The following SHISA6 variants were observed in gnomAD, a reference collection of about 807,000 sequenced individuals.
The protein encoded by SHISA6 is protein shisa-6.
A neutral mutation model predicts 47.9 loss-of-function variants in SHISA6; 22 were observed. The observed-to-expected ratio is 0.46, with a 90% CI of 0.33 to 0.66. The LOEUF (loss-of-function observed/expected upper bound fraction) is 0.66, where lower values mean the gene tolerates loss of function less well. Among genes scored for constraint, SHISA6 ranks in the 30% least tolerant of loss-of-function variants. SHISA6 has a pLI of 0.02. For synonymous variants in SHISA6, 388 were observed against 337.8 expected (o/e 1.15, Z -1.63); for missense variants, 680 against 764.6 (o/e 0.89, Z 1.30).
intron 2 of SHISA6, among the ~76,000 whole-genome samples, chr17:11,374,201 G>A (rs1282361129): frequency 2.6e-5 from 4 of 152,000 alleles, no homozygotes; most frequent in Non-Finnish European, 4.4e-5. Context: ...CCTTTGAGTC[G>A]CCTATGCATT....
intron 3 of SHISA6, among the ~76,000 whole-genome samples, chr17:11,543,927 CAAAA>C (rs1216952313): frequency 9.1e-6 from 1 of 109,900 alleles, no homozygotes; most frequent in Non-Finnish European, 1.9e-5. Context: ...AAAAAAAAAA[CAAAA>C]AAAAGAACTT....
At chr17:11,301,495 C>T (rs979160981) in intron 2 of SHISA6, among the ~76,000 whole-genome samples, 2 of 152,164 alleles carry the variant, frequency 1.3e-5, no homozygotes, top group Non-Finnish European at 2.9e-5. Flanking sequence ...CACTCCTTTG[C>T]AAAGGTGCTG....
At chr17:11,332,549 C>T (rs373506403) in intron 2 of SHISA6, among the ~76,000 whole-genome samples, 2 of 152,096 alleles carry the variant, frequency 1.3e-5, no homozygotes, top group Admixed American at 6.6e-5. Context: ...TCCCATGATA[C>T]GGGAAGGACG....
At chr17:11,340,016 G>A (rs1381242817) in intron 2 of SHISA6, among the ~76,000 whole-genome samples, 2 of 152,182 alleles carry the variant, frequency 1.3e-5, no homozygotes, top group Non-Finnish European at 2.9e-5. Flanking sequence ...AATTACCATT[G>A]TGATTTTGCC....
chr17:11,331,828 C>G (rs1911127599), intron 2 of SHISA6, among the ~76,000 whole-genome samples: 1 of 152,040 alleles, frequency 6.6e-6, no homozygotes, highest in Non-Finnish European at 1.5e-5. Flanking sequence ...ATACACAAAC[C>G]TCTAGTCTTG....
intron 3 of SHISA6, among the ~76,000 whole-genome samples, chr17:11,431,733 C>T (rs889548085): frequency 6.6e-6 from 1 of 152,196 alleles, no homozygotes; most frequent in Non-Finnish European, 1.5e-5. Flanking sequence ...ATTCAGTCTA[C>T]AAACACACCC....
At chr17:11,433,286 T>C (rs1035410372) in intron 3 of SHISA6, among the ~76,000 whole-genome samples, 1 of 152,110 alleles carries the variant, frequency 6.6e-6, no homozygotes, top group Admixed American at 6.5e-5. Context: ...CCTGTGTCCA[T>C]GTGTTCTCAT....
At chr17:11,442,226 T>G (rs565579615) in intron 3 of SHISA6, among the ~76,000 whole-genome samples, 21 of 152,278 alleles carry the variant, frequency 1.4e-4, no homozygotes, top group African/African-American at 3.6e-4. Context: ...GTCTCAGACT[T>G]ATGGGCACAT....
chr17:11,493,573 G>A (rs757295903), intron 3 of SHISA6, among the ~76,000 whole-genome samples: 3 of 38,122 alleles, frequency 7.9e-5, no homozygotes, highest in South Asian at 9.0e-4. Flanking sequence ...GGATACACGC[G>A]TGCGCGCGCA....
chr17:11,546,912 G>A (rs1201750018), intron 3 of SHISA6, among the ~76,000 whole-genome samples: 3 of 151,478 alleles, frequency 2.0e-5, no homozygotes, highest in Non-Finnish European at 2.9e-5. Context: ...CTGGGCAATA[G>A]AGCAAGACTC....
intron 3 of SHISA6, among the ~76,000 whole-genome samples, chr17:11,463,568 T>C (rs1597530267): frequency 6.6e-6 from 1 of 152,194 alleles, no homozygotes; most frequent in South Asian, 2.1e-4. Flanking sequence ...TTATTACATA[T>C]CTGTAGGTCT....
At chr17:11,442,271 T>A (rs1418235810) in intron 3 of SHISA6, among the ~76,000 whole-genome samples, 1 of 152,168 alleles carries the variant, frequency 6.6e-6, no homozygotes, top group Non-Finnish European at 1.5e-5. Context: ...CAGCAACAAA[T>A]CACCCTGCCT....
chr17:11,495,613 G>A (rs1277648342), intron 3 of SHISA6, among the ~76,000 whole-genome samples: 1 of 152,212 alleles, frequency 6.6e-6, no homozygotes, highest in Non-Finnish European at 1.5e-5. Context: ...CTGCCTACCA[G>A]TCCATCCCCT....
At chr17:11,364,422 A>AT (rs981890639) in intron 2 of SHISA6, among the ~76,000 whole-genome samples, 2 of 152,232 alleles carry the variant, frequency 1.3e-5, no homozygotes, top group East Asian at 3.9e-4. Flanking sequence ...TGTGACATGC[A>AT]TTTTTTTGTG....
chr17:11,416,511 T>A (rs1914286671), intron 3 of SHISA6, among the ~76,000 whole-genome samples: 1 of 152,212 alleles, frequency 6.6e-6, no homozygotes, highest in South Asian at 2.1e-4. Flanking sequence ...AATCCACTTA[T>A]GAATATAATA....
At chr17:11,417,321 C>A (rs975748744) in intron 3 of SHISA6, among the ~76,000 whole-genome samples, 5 of 151,962 alleles carry the variant, frequency 3.3e-5, no homozygotes, top group Admixed American at 3.3e-4. Flanking sequence ...TCCGAAAACA[C>A]AAGTAGGTTG....
At chr17:11,439,371 G>A (rs1597513997) in intron 3 of SHISA6, among the ~76,000 whole-genome samples, 1 of 152,268 alleles carries the variant, frequency 6.6e-6, no homozygotes, top group East Asian at 1.9e-4. Flanking sequence ...CTTCTGAGTA[G>A]CACTCAGCCT....
At chr17:11,432,254 C>A (rs753914411) in intron 3 of SHISA6, among the ~76,000 whole-genome samples, 2 of 152,178 alleles carry the variant, frequency 1.3e-5, no homozygotes, top group Non-Finnish European at 2.9e-5. Flanking sequence ...CTGCTGTTGG[C>A]CATGAGCTTT....
At chr17:11,427,121 G>A (rs1037476869) in intron 3 of SHISA6, among the ~76,000 whole-genome samples, 3 of 151,594 alleles carry the variant, frequency 2.0e-5, no homozygotes, top group Non-Finnish European at 4.4e-5. Context: ...CCCCTCTTTC[G>A]TATGTTTGTT....
Sources: gnomAD v4.1 joint callset for allele counts (sites outside exome capture counted in the v4.1 genomes callset) on GRCh38, gnomAD v4.1.1 for gene constraint, MANE v1.5 for transcripts, NCBI Gene and HGNC (gene_info 2026-07-23, HGNC 2026-07-21) for gene names.